The following PSEN1 variants were observed in gnomAD, a reference collection of about 807,000 sequenced individuals.
PSEN1 encodes the protein presenilin-1.
In PSEN1, 15 loss-of-function variants were observed where a neutral mutation model predicts 53.5. The ratio of observed to expected loss-of-function variants is 0.28; its 90% CI spans 0.19 to 0.43. The LOEUF is 0.43. Ranked by LOEUF, PSEN1 falls within the 20% of genes least tolerant of loss-of-function variation. The pLI is 1.00. For synonymous variants in PSEN1, 208 were observed against 209.8 expected, an observed-to-expected ratio of 0.99 and a Z score of 0.08; for missense variants, 387 against 571.2, an observed-to-expected ratio of 0.68 and a Z score of 3.29.
At chr14:73,179,571 C>G (rs1266898961) in intron 5 of PSEN1, among the ~76,000 whole-genome samples, 1 of 152,038 alleles carries the variant, frequency 6.6e-6, no homozygotes, top group Non-Finnish European at 1.5e-5. Flanking sequence ...GAGCCAAGAT[C>G]GTGCCACTGC....
At chr14:73,161,012 C>A (rs545840983) in intron 3 of PSEN1, among the ~76,000 whole-genome samples, 17 of 146,476 alleles carry the variant, frequency 1.2e-4, no homozygotes, top group African/African-American at 4.3e-4. Flanking sequence ...TACTGTGTCA[C>A]CCAGGCTGGA....
At chr14:73,143,132 C>T (rs1896972971) in intron 1 of PSEN1, among the ~76,000 whole-genome samples, 1 of 152,196 alleles carries the variant, frequency 6.6e-6, no homozygotes, top group Admixed American at 6.5e-5. Context: ...GCCATGCAAT[C>T]CTCAATTGTT....
chr14:73,140,771 T>A (rs1896903634), intron 1 of PSEN1, among the ~76,000 whole-genome samples: 1 of 152,176 alleles, frequency 6.6e-6, no homozygotes, highest in Non-Finnish European at 1.5e-5. Flanking sequence ...CGATTCTAAG[T>A]CTTTGTTCGT....
intron 3 of PSEN1, among the ~76,000 whole-genome samples, chr14:73,149,634 T>A (rs1897163703): frequency 6.6e-6 from 1 of 152,172 alleles, no homozygotes; most frequent in African/African-American, 2.4e-5. Flanking sequence ...GTTGTCCAGG[T>A]TTGTTTAAAA....
intron 5 of PSEN1, among the ~76,000 whole-genome samples, chr14:73,186,282 G>A (rs531426036): frequency 1.2e-4 from 18 of 152,284 alleles, no homozygotes; most frequent in Admixed American, 9.8e-4. Context: ...GGGGGGCTGA[G>A]GCAGGAGAAT....
chr14:73,170,409 A>G (rs565972477), intron 3 of PSEN1, among the ~76,000 whole-genome samples: 4 of 152,344 alleles, frequency 2.6e-5, no homozygotes, highest in Admixed American at 2.6e-4. Flanking sequence ...TTATTAATTA[A>G]GGTAAGATAG....
At chr14:73,136,717 T>C (rs1896753464) in intron 1 of PSEN1, 134 bp downstream of exon 1, 1 of 152,056 alleles carries the variant, frequency 6.6e-6, no homozygotes, top group South Asian at 2.1e-4. Flanking sequence ...GCGCGGCCGG[T>C]TGGGGCTGGG....
chr14:73,157,291 A>G (rs960087454), intron 3 of PSEN1, among the ~76,000 whole-genome samples: 1 of 151,178 alleles, frequency 6.6e-6, no homozygotes, highest in Admixed American at 6.6e-5. Context: ...ACACCCAGCT[A>G]ATTTTTTTGT....
chr14:73,194,729 C>T (rs558107191), intron 7 of PSEN1, among the ~76,000 whole-genome samples: 3 of 151,954 alleles, frequency 2.0e-5, no homozygotes, highest in Admixed American at 6.6e-5. Context: ...CCACCACGCC[C>T]GGCTATTTTT....
chr14:73,179,799 TC>T (rs374649890), intron 5 of PSEN1, among the ~76,000 whole-genome samples: 1,759 of 152,194 alleles, frequency 0.012, 31 homozygotes, highest in African/African-American at 0.038. Context: ...TACTTCTAAT[TC>T]CCCAGCCCAC....
intron 11 of PSEN1, among the ~76,000 whole-genome samples, 173 bp from the exon 12 acceptor site, chr14:73,218,961 A>G (rs1210636191): frequency 6.6e-6 from 1 of 152,252 alleles, no homozygotes; most frequent in Non-Finnish European, 1.5e-5. Context: ...AACAAAAGCT[A>G]GGTTTTTTTC....
At chr14:73,155,749 G>T (rs1328182023) in intron 3 of PSEN1, among the ~76,000 whole-genome samples, 2 of 152,018 alleles carry the variant, frequency 1.3e-5, no homozygotes, top group African/African-American at 4.8e-5. Context: ...GAACTCCTGG[G>T]CTCAAGCGAT....
At chr14:73,149,871 A>G (rs1464510398) in intron 3 of PSEN1, among the ~76,000 whole-genome samples, 1 of 152,238 alleles carries the variant, frequency 6.6e-6, no homozygotes, top group Non-Finnish European at 1.5e-5. Context: ...TTCTCATTCC[A>G]AAGGTTAAAT....
chr14:73,148,778 C>T (rs760601237), intron 3 of PSEN1, among the ~76,000 whole-genome samples: 7 of 152,014 alleles, frequency 4.6e-5, no homozygotes, highest in Non-Finnish European at 8.8e-5. Flanking sequence ...ACTAACAATA[C>T]AAAAATTAGC....
At chr14:73,209,707 C>T (rs1297469942) in intron 9 of PSEN1, among the ~76,000 whole-genome samples, 1 of 152,154 alleles carries the variant, frequency 6.6e-6, no homozygotes, top group Non-Finnish European at 1.5e-5. Flanking sequence ...GGGAATTTTA[C>T]GTATCCTGGA....
At chr14:73,184,697 AC>A (rs766164212) in intron 5 of PSEN1, among the ~76,000 whole-genome samples, 9,362 of 127,366 alleles carry the variant, frequency 0.074, 286 homozygotes, top group South Asian at 0.15. Flanking sequence ...CGGGGGGCTG[AC>A]CCCCCCACCT....
chr14:73,202,714 T>C (rs1192558974), intron 8 of PSEN1, among the ~76,000 whole-genome samples: 56 of 151,300 alleles, frequency 3.7e-4, no homozygotes, highest in Non-Finnish European at 6.8e-4. Flanking sequence ...CCTCGTAATC[T>C]GCCCTCCTCG....
chr14:73,163,942 AT>A (rs1897632196), intron 3 of PSEN1, among the ~76,000 whole-genome samples: 1 of 152,150 alleles, frequency 6.6e-6, no homozygotes, highest in Non-Finnish European at 1.5e-5. Context: ...AAAAAAAAAA[AT>A]CATCCTGGCT....
rs1256554282 is a variant in PSEN1 at position 73,186,403 on chromosome 14, A to G, written c.481-450A>G. On this transcript the variant is annotated intron_variant, in intron 5 of 11. Transcript: ENST00000324501. ...TCAGAAAAAAAAAAAGAATATTCAAATGTCCAAGGAGTACCAATATCTAGG... is the reference window on the plus strand; with the variant it reads ...TCAGAAAAAAAAAAAGAATATTCAAGTGTCCAAGGAGTACCAATATCTAGG... 2.6e-5 allele frequency among the ~76,000 whole-genome samples: 4 copies of G among 152,134 alleles called. No homozygotes were observed. The East Asian group carries it at 7.7e-4, about 29-fold the overall frequency.
Sources: gnomAD v4.1 joint callset for allele counts (sites outside exome capture counted in the v4.1 genomes callset) on GRCh38, gnomAD v4.1.1 for gene constraint, MANE v1.5 for transcripts, NCBI Gene and HGNC (gene_info 2026-07-23, HGNC 2026-07-21) for gene names.